Variants in LVRN observed in about 807,000 individuals in gnomAD.
LVRN encodes the protein aminopeptidase Q.
LVRN carries 99 observed loss-of-function variants against 111.4 expected under a neutral mutation model. That is an observed-to-expected ratio of 0.89 (90% CI 0.76 to 1.05). The LOEUF (loss-of-function observed/expected upper bound fraction) is 1.05. Ranked by LOEUF, LVRN falls within the 50% of genes least tolerant of loss-of-function variation. The pLI, the probability that LVRN is intolerant of heterozygous loss-of-function variation, is 0.00. For missense variants in LVRN, 1,414 were observed against 1,206.8 expected (o/e 1.17, Z -2.54); for synonymous variants, 488 against 449.5 (o/e 1.09, Z -1.08).
At chr5:116,017,681 C>T (rs1308305603) in intron 18 of LVRN, among the ~76,000 whole-genome samples, 2 of 152,054 alleles carry the variant, frequency 1.3e-5, no homozygotes, top group East Asian at 1.9e-4. Flanking sequence ...TTAACCTAAG[C>T]TTCAGCTTTC....
At chr5:116,003,519 T>C (rs1051197844) in intron 12 of LVRN, 139 bp downstream of exon 12, 2 of 497,232 alleles carry the variant, frequency 4.0e-6, no homozygotes, top group African/African-American at 2.0e-5. Flanking sequence ...AGATTTTTTT[T>C]TCTTATTCTT....
Position 115,993,898 on chromosome 5 carries a change from A to T in LVRN, c.1374+44A>T, listed in dbSNP as rs761048993. On this transcript the variant is annotated intron_variant, in intron 6 of 19. Coordinates refer to ENST00000357872, the MANE Select transcript of LVRN (RefSeq NM_173800.5). ...TTTATTTAACATTTTTCTCCTAATT[A>T]TAAAAGTAATGCATATTCATTCTTG... is the stretch of plus-strand genomic sequence containing the variant. 14 of 1,176,912 alleles carry T rather than the reference A, an allele frequency of 1.2e-5. No individual in the cohort carries two copies. In the African/African-American group the frequency reaches 2.2e-4, roughly 19 times the overall value. 72.9% of individuals were successfully genotyped at this position (1,176,912 alleles called of 1,614,324 possible). A position where few individuals can be genotyped will look rare whatever the true frequency, so the allele number is the denominator to read the frequency against.
chr5:116,006,867 G>T (rs1418434057), intron 13 of LVRN, among the ~76,000 whole-genome samples: 3 of 152,154 alleles, frequency 2.0e-5, no homozygotes, highest in Non-Finnish European at 4.4e-5. Flanking sequence ...CAAATACAGT[G>T]CCTTAAACAC....
intron 4 of LVRN, among the ~76,000 whole-genome samples, chr5:115,989,512 T>G (rs1291234435): frequency 6.6e-6 from 1 of 152,200 alleles, no homozygotes; most frequent in Non-Finnish European, 1.5e-5. Context: ...TCTGAACTCT[T>G]GACCAATTGT....
intron 18 of LVRN, chr5:116,021,552 T>G: frequency 3.8e-6 from 1 of 263,820 alleles, no homozygotes; most frequent in East Asian, 1.1e-4. Context: ...CCCTCACCTT[T>G]ATTAGTATAT....
chr5:116,006,259 T>C (rs1748372221), intron 13 of LVRN, among the ~76,000 whole-genome samples: 1 of 152,232 alleles, frequency 6.6e-6, no homozygotes, highest in Non-Finnish European at 1.5e-5. Context: ...ATTTTATTTA[T>C]ATTAGATTTA....
chr5:115,974,978 AT>A (rs1385168926), intron 1 of LVRN: 6 of 406,682 alleles, frequency 1.5e-5, no homozygotes, highest in Non-Finnish European at 2.4e-5. Flanking sequence ...AATGAAGATA[AT>A]CACTTTGTCT....
chr5:116,010,313 G>C (rs1386217497), intron 13 of LVRN, among the ~76,000 whole-genome samples: 1 of 152,098 alleles, frequency 6.6e-6, no homozygotes, highest in Non-Finnish European at 1.5e-5. Flanking sequence ...GCTTTATTGT[G>C]GTCTGGAACA....
At position 115,962,525 on chromosome 5, in the gene LVRN, G is replaced by C; in HGVS notation, c.-93G>C. 8.8e-7 allele frequency: 1 copy of C among 1,137,910 alleles called. No homozygotes were observed. The allele number at this position is 1,137,910 out of a possible 1,614,324, so 70.5% of individuals were successfully genotyped here. ...AAGAGGCACGATACAAGAGAGGAGGGGCAGGGGTCGCAGCACTGAACACCC... is the reference window on the plus strand; with the variant it reads ...AAGAGGCACGATACAAGAGAGGAGGCGCAGGGGTCGCAGCACTGAACACCC... On this transcript the variant is annotated 5_prime_UTR_variant, in exon 1 of 20. Transcript: ENST00000357872.
At chr5:115,975,681 G>A (rs1359569745) in intron 1 of LVRN, 1 of 154,526 alleles carries the variant, frequency 6.5e-6, no homozygotes, top group Admixed American at 6.5e-5. Flanking sequence ...CATAACTTCA[G>A]AACAACATTG....
intron 6 of LVRN, among the ~76,000 whole-genome samples, chr5:115,996,413 T>C (rs1748113884): frequency 1.3e-5 from 2 of 152,244 alleles, no homozygotes; most frequent in Admixed American, 6.5e-5. Flanking sequence ...TCTATACCTC[T>C]TAGTTGCTTG....
chr5:115,979,821 A>T lies in LVRN; in HGVS notation c.696-3466A>T, dbSNP rs147346549. ...GCCTAAGAGTTTTATTTAATACTTGACCGGCTATGCTATTCAGCACTTGTT... is the reference window on the plus strand; with the variant it reads ...GCCTAAGAGTTTTATTTAATACTTGTCCGGCTATGCTATTCAGCACTTGTT... On this transcript the variant is annotated intron_variant, in intron 1 of 19. Transcript: ENST00000357872. Among the ~76,000 whole-genome samples, 752 of 152,316 alleles carry T rather than the reference A, an allele frequency of 4.9e-3. 6 individuals are homozygous for T. The highest frequency in any genetic ancestry group is 0.017 in the African/African-American group (710 of 41,566).
chr5:115,983,263 A>C, intron 1 of LVRN, 24 bp from the exon 2 acceptor site: 2 of 1,517,242 alleles, frequency 1.3e-6, no homozygotes, highest in Non-Finnish European at 1.8e-6. Context: ...AAATAAATAA[A>C]AATTTCCCCA....
chr5:116,004,093 A>C (rs780304088), intron 12 of LVRN, among the ~76,000 whole-genome samples: 2 of 152,202 alleles, frequency 1.3e-5, no homozygotes, highest in Non-Finnish European at 2.9e-5. Flanking sequence ...TATACTTAAA[A>C]TTTCTAAACT....
chr5:116,002,729 A>C (rs1387949381), intron 10 of LVRN, 106 bp from the exon 11 acceptor site: 2 of 807,042 alleles, frequency 2.5e-6, no homozygotes, highest in Non-Finnish European at 3.8e-6. Flanking sequence ...AGAATGACCA[A>C]AGAAACTGAG....
At position 115,983,379 on chromosome 5, in the gene LVRN, C is replaced by G; in HGVS notation, c.788C>G (p.Thr263Arg). The change falls in exon 2 of 20, where the codon ACA becomes AGA. Residue 263 changes from threonine (T) to arginine (R), a missense_variant. Thr to Arg is a moderately conservative substitution (Grantham distance 71, BLOSUM62 -1). Transcript: ENST00000357872. ...GCTCTGAAGGCAACTTTTAATATTA[C>G]AATGATTCATCATCCAAGTTATGTG... Reference protein sequence around the residue: ...EPALKATFNITMIHHPSYVAL... With the variant: ...EPALKATFNIRMIHHPSYVAL... 1 of 1,610,804 alleles carries G rather than the reference C, an allele frequency of 6.2e-7. No individual in the cohort carries two copies. The highest frequency in any genetic ancestry group is 8.5e-7 in the Non-Finnish European group (1 of 1,178,970).
intron 19 of LVRN, among the ~76,000 whole-genome samples, chr5:116,024,444 G>T (rs1025600654): frequency 6.6e-6 from 1 of 152,254 alleles, no homozygotes; most frequent in Non-Finnish European, 1.5e-5. Context: ...AAGGAGAACT[G>T]CTAATTCCCG....
rs1474740251 is a variant in LVRN at position 115,963,093 on chromosome 5, G to T, written c.476G>T (p.Arg159Leu). ...LFQDCERAEVRGPLSPGTGNA... is the reference protein window; with the variant it reads ...LFQDCERAEVLGPLSPGTGNA... ...CAGGACTGCGAGCGCGCCGAGGTGC[G>T]GGGACCCCTTTCCCCGGGCACTGGG... The change falls in exon 1 of 20, where the codon CGG becomes CTG. Residue 159 changes from arginine to leucine, a missense_variant. Transcript: ENST00000357872. The T allele has an allele frequency of 6.2e-7, 1 of 1,613,632 alleles. No homozygotes were observed. Among genetic ancestry groups the T allele is most frequent in the Non-Finnish European group, 8.5e-7 (1 of 1,179,952 alleles).
rs768810232 is a variant in LVRN at position 116,002,890 on chromosome 5, G to C, written c.1876G>C (p.Val626Leu). The C allele has an allele frequency of 5.6e-6, 9 of 1,609,434 alleles. No individual in the cohort carries two copies. The South Asian group carries it at 9.9e-5, about 18-fold the overall frequency. The change falls in exon 11 of 20, where the codon GTC becomes CTC. Residue 626 changes from valine (V) to leucine (L), a missense_variant. Coordinates refer to ENST00000357872, the MANE Select transcript of LVRN (RefSeq NM_173800.5). Reference protein sequence around the residue: ...WIKNGTTQPLVWLDQSSKVFP... With the variant: ...WIKNGTTQPLLWLDQSSKVFP... ...AAAAAATGGAACTACACAACCTTTA[G>C]TCTGGCTAGATCAAAGCAGCAGTAA...
Sources: gnomAD v4.1 joint callset for allele counts (sites outside exome capture counted in the v4.1 genomes callset) on GRCh38, gnomAD v4.1.1 for gene constraint, MANE v1.5 for transcripts, NCBI Gene and HGNC (gene_info 2026-07-23, HGNC 2026-07-21) for gene names.